The following SLCO1B3 variants were observed in gnomAD, a reference collection of about 807,000 sequenced individuals.
The protein encoded by SLCO1B3 is solute carrier organic anion transporter family member 1B3.
In SLCO1B3, 72 loss-of-function variants were observed where a neutral mutation model predicts 71.8. The observed-to-expected ratio is 1.00, with a 90% CI of 0.83 to 1.22. The LOEUF (loss-of-function observed/expected upper bound fraction) is 1.22, where lower values mean the gene tolerates loss of function less well. Ranked by LOEUF, SLCO1B3 falls within the 50% of genes most tolerant of loss-of-function variation. SLCO1B3 has a pLI of 0.00. For synonymous variants in SLCO1B3, 298 were observed against 278.4 expected (o/e 1.07, Z -0.70); for missense variants, 911 against 819.7 (o/e 1.11, Z -1.36).
Position 20,879,443 on chromosome 12 carries a change from A to C in SLCO1B3, c.1143A>C (p.Ile381=). The change falls in exon 11 of 16, where the codon ATA becomes ATC. Residue 381 remains isoleucine (I), a synonymous_variant. Transcript: ENST00000381545. ...ASHANFLLGI[I]TIPTVATGMF... ...CTCTTCTTTTATTTCTAGGAATCATAACCATTCCTACGGTTGCAACTGGAA... is the reference window on the plus strand; with the variant it reads ...CTCTTCTTTTATTTCTAGGAATCATCACCATTCCTACGGTTGCAACTGGAA... The C allele has an allele frequency of 6.3e-7, 1 of 1,586,646 alleles. No individual in the cohort carries two copies. Among genetic ancestry groups the C allele is most frequent in the Non-Finnish European group, 8.6e-7 (1 of 1,160,530 alleles).
intron 8 of SLCO1B3, among the ~76,000 whole-genome samples, chr12:20,867,161 A>G (rs906013348): frequency 1.3e-5 from 2 of 152,092 alleles, no homozygotes; most frequent in African/African-American, 2.4e-5. Flanking sequence ...CACCCTCTAG[A>G]TGTGGGGTCC....
intron 3 of SLCO1B3, among the ~76,000 whole-genome samples, chr12:20,822,897 C>A (rs930721563): frequency 6.6e-5 from 10 of 151,990 alleles, no homozygotes; most frequent in Non-Finnish European, 1.5e-4. Context: ...CTTTCATACC[C>A]CTGCCTTTTT....
intron 13 of SLCO1B3, among the ~76,000 whole-genome samples, chr12:20,887,870 C>T (rs550077839): frequency 1.3e-5 from 2 of 151,838 alleles, no homozygotes; most frequent in East Asian, 1.9e-4. Flanking sequence ...CTTACAATTA[C>T]GTCTTTCATC....
intron 10 of SLCO1B3, among the ~76,000 whole-genome samples, chr12:20,878,321 G>T (rs757721187): frequency 1.3e-5 from 2 of 151,914 alleles, no homozygotes; most frequent in Non-Finnish European, 2.9e-5. Flanking sequence ...CTGAAATAAG[G>T]CCTCAGCTAC....
At chr12:20,882,094 C>G (rs537440974) in intron 12 of SLCO1B3, among the ~76,000 whole-genome samples, 1 of 152,120 alleles carries the variant, frequency 6.6e-6, no homozygotes, top group Non-Finnish European at 1.5e-5. Context: ...AAGAGTACCC[C>G]ATTTAATCCC....
At chr12:20,908,576 A>G (rs1866302848) in intron 15 of SLCO1B3, among the ~76,000 whole-genome samples, 1 of 152,216 alleles carries the variant, frequency 6.6e-6, no homozygotes, top group Non-Finnish European at 1.5e-5. Flanking sequence ...CTAGAAACCA[A>G]TAGTCTCTTT....
intron 3 of SLCO1B3, among the ~76,000 whole-genome samples, chr12:20,849,685 A>ATAAC (rs34125909): frequency 2.0e-5 from 3 of 150,160 alleles, no homozygotes; most frequent in African/African-American, 7.4e-5. Context: ...GAGCTAATAA[A>ATAAC]TAAAGAAAAA....
intron 15 of SLCO1B3, among the ~76,000 whole-genome samples, chr12:20,908,616 T>A (rs1413510535): frequency 6.6e-6 from 1 of 152,234 alleles, no homozygotes; most frequent in East Asian, 1.9e-4. Context: ...CTGCTTCAGA[T>A]CATATAGTTG....
At chr12:20,877,234 T>C (rs1180933909) in intron 9 of SLCO1B3, among the ~76,000 whole-genome samples, 1 of 119,680 alleles carries the variant, frequency 8.4e-6, no homozygotes, top group East Asian at 2.4e-4. Context: ...GTAAACATTT[T>C]CTATATTATG....
At chr12:20,885,841 A>T (rs1468139679) in intron 13 of SLCO1B3, among the ~76,000 whole-genome samples, 1 of 152,172 alleles carries the variant, frequency 6.6e-6, no homozygotes, top group African/African-American at 2.4e-5. Flanking sequence ...GTGTGTTCAG[A>T]AGCCCCAGAG....
At chr12:20,814,896 C>CA (rs11286357) in intron 2 of SLCO1B3, among the ~76,000 whole-genome samples, 1 of 139,696 alleles carries the variant, frequency 7.2e-6, no homozygotes, top group African/African-American at 2.6e-5. Context: ...GACTCCGTCT[C>CA]AAAAAAAAAA....
chr12:20,893,700 C>T (rs935940162), intron 13 of SLCO1B3, among the ~76,000 whole-genome samples: 3 of 152,084 alleles, frequency 2.0e-5, no homozygotes, highest in Middle Eastern at 3.4e-3. Context: ...ATGAGTTTCC[C>T]TGGGAAAAAT....
intron 3 of SLCO1B3, among the ~76,000 whole-genome samples, chr12:20,840,390 AT>A (rs199898909): frequency 2.3e-3 from 320 of 141,022 alleles, no homozygotes; most frequent in Middle Eastern, 7.4e-3. Flanking sequence ...ATGCTTCTCA[AT>A]TTTTTTTTTT....
chr12:20,819,104 G>A (rs1032509631), intron 3 of SLCO1B3, among the ~76,000 whole-genome samples: 22 of 151,970 alleles, frequency 1.4e-4, no homozygotes, highest in Non-Finnish European at 2.1e-4. Context: ...CGCTGCACGC[G>A]GACATGAGGG....
At chr12:20,823,892 T>TG (rs1486721060) in intron 3 of SLCO1B3, among the ~76,000 whole-genome samples, 2 of 152,204 alleles carry the variant, frequency 1.3e-5, no homozygotes, top group African/African-American at 2.4e-5. Context: ...GGGCTTCTAT[T>TG]GGCTCTGTAG....
Position 20,898,465 on chromosome 12 carries a change from C to G in SLCO1B3, c.1712C>G (p.Ala571Gly), listed in dbSNP as rs76963574. The change falls in exon 14 of 16, where the codon GCA (alanine) becomes GGA (glycine). Residue 571 changes from alanine (A) to glycine (G), a missense_variant. By Grantham distance (60) the Ala-to-Gly change is moderately conservative. Transcript: ENST00000381545. ...GTTCAACCTGAATTGAAAGCACTTG[C>G]AATGGGTTTCCAGTCAATGGTTATA... ...KIVQPELKAL[A>G]MGFQSMVIRT... is the part of the protein sequence containing the mutation. 404 of 1,597,258 alleles carry G rather than the reference C, an allele frequency of 2.5e-4. 1 individual carries two copies. The Middle Eastern group carries it at 7.1e-3, about 28-fold the overall frequency.
Position 20,900,965 on chromosome 12 carries a change from T to C in SLCO1B3, c.1748-385T>C, listed in dbSNP as rs549026331. On this transcript the variant is annotated intron_variant, in intron 14 of 15. Coordinates refer to ENST00000381545, the MANE Select transcript of SLCO1B3 (RefSeq NM_019844.4). ...CAAGAAGTTATAATTTAACTGTCAGTAATCCAGCCATTCTTGCCTAAGAAA... is the reference window on the plus strand; with the variant it reads ...CAAGAAGTTATAATTTAACTGTCAGCAATCCAGCCATTCTTGCCTAAGAAA... Among the ~76,000 whole-genome samples, 74 of 152,338 alleles carry C rather than the reference T, an allele frequency of 4.9e-4. 1 individual carries two copies. The Middle Eastern group carries it at 0.01, about 21-fold the overall frequency.
chr12:20,872,015 G>A (rs1370146839), intron 8 of SLCO1B3, among the ~76,000 whole-genome samples: 2 of 152,090 alleles, frequency 1.3e-5, no homozygotes, highest in African/African-American at 4.8e-5. Flanking sequence ...CTGTCTGAGA[G>A]CCAAGGATTG....
chr12:20,819,381 G>T (rs1279865343), intron 3 of SLCO1B3, among the ~76,000 whole-genome samples: 3 of 152,160 alleles, frequency 2.0e-5, no homozygotes, highest in Non-Finnish European at 2.9e-5. Context: ...GTGAAGCCTT[G>T]TGGCAGTGCA....
Sources: allele counts gnomAD v4.1 joint callset (sites outside exome capture counted in the v4.1 genomes callset), GRCh38; gene constraint gnomAD v4.1.1; transcripts MANE v1.5; gene names NCBI Gene and HGNC (gene_info 2026-07-23, HGNC 2026-07-21).